Variants in MIR2052HG observed in about 807,000 individuals in gnomAD.
MIR2052HG encodes the protein MIR2052 host gene.
At chr8:74,733,032 A>G (rs1809709203) in intron 4 of MIR2052HG, among the ~76,000 whole-genome samples, 1 of 151,914 alleles carries the variant, frequency 6.6e-6, no homozygotes, top group African/African-American at 2.4e-5. Context: ...GAACCTAATC[A>G]GAGACCAATT....
intron 5 of MIR2052HG, among the ~76,000 whole-genome samples, chr8:74,754,546 G>C (rs1353320625): frequency 6.6e-6 from 1 of 152,184 alleles, no homozygotes; most frequent in Non-Finnish European, 1.5e-5. Context: ...AGGTTCTATG[G>C]AAATGAGAAA....
intron 4 of MIR2052HG, among the ~76,000 whole-genome samples, chr8:74,750,387 T>A (rs1378153284): frequency 6.6e-6 from 1 of 152,192 alleles, no homozygotes; most frequent in Non-Finnish European, 1.5e-5. Flanking sequence ...TTTTTCTCGC[T>A]GAAAAATTCA....
intron 2 of MIR2052HG, among the ~76,000 whole-genome samples, chr8:74,616,713 G>T: frequency 6.6e-6 from 1 of 152,038 alleles, no homozygotes; most frequent in Middle Eastern, 3.2e-3. Context: ...GCTGTAGATA[G>T]ACTTGTTTTC....
intron 2 of MIR2052HG, among the ~76,000 whole-genome samples, chr8:74,668,249 A>C (rs377458883): frequency 9.2e-5 from 14 of 152,120 alleles, no homozygotes; most frequent in African/African-American, 3.4e-4. Context: ...ACAAAAAAAA[A>C]ACAATAAGCC....
At chr8:74,662,334 C>T (rs1182604263) in intron 2 of MIR2052HG, among the ~76,000 whole-genome samples, 1 of 151,908 alleles carries the variant, frequency 6.6e-6, no homozygotes, top group Non-Finnish European at 1.5e-5. Flanking sequence ...AAAATTTCAG[C>T]CTCTAGAAGA....
intron 1 of MIR2052HG, chr8:74,603,217 C>T (rs1808050543): frequency 8.5e-7 from 1 of 1,182,314 alleles, no homozygotes; most frequent in East Asian, 2.3e-5. Context: ...GCTGACTGTT[C>T]AGAAACTACA....
At chr8:74,604,161 G>A in intron 1 of MIR2052HG, 1 of 891,184 alleles carries the variant, frequency 1.1e-6, no homozygotes, top group East Asian at 2.4e-5. Flanking sequence ...TCTTTCCGAT[G>A]ATACTGCCAA....
intron 2 of MIR2052HG, among the ~76,000 whole-genome samples, chr8:74,631,645 AC>A (rs1808513236): frequency 6.6e-6 from 1 of 152,180 alleles, no homozygotes; most frequent in Admixed American, 6.5e-5. Flanking sequence ...CTTCTCAAAA[AC>A]CCTCTGTCTT....
intron 2 of MIR2052HG, among the ~76,000 whole-genome samples, chr8:74,678,356 C>G (rs946721142): frequency 2.6e-5 from 4 of 151,868 alleles, no homozygotes; most frequent in African/African-American, 9.7e-5. Context: ...GTCAGGAGTT[C>G]GAGACCAGCC....
intron 2 of MIR2052HG, among the ~76,000 whole-genome samples, chr8:74,638,429 A>G (rs559810376): frequency 9.8e-5 from 15 of 152,314 alleles, no homozygotes; most frequent in East Asian, 1.9e-4. Context: ...TTTTGACACT[A>G]TCATACAGGC....
chr8:74,609,997 A>G (rs1391535797), intron 1 of MIR2052HG: 1 of 151,830 alleles, frequency 6.6e-6, no homozygotes, highest in East Asian at 1.9e-4. Flanking sequence ...AGATGTTGAT[A>G]TTGGAAAATA....
At chr8:74,734,560 A>G (rs968451787) in intron 4 of MIR2052HG, among the ~76,000 whole-genome samples, 2 of 152,234 alleles carry the variant, frequency 1.3e-5, no homozygotes, top group African/African-American at 4.8e-5. Context: ...AAAGCCCTGT[A>G]GGTCATTATC....
At chr8:74,734,432 A>G (rs1200600279) in intron 4 of MIR2052HG, among the ~76,000 whole-genome samples, 1 of 152,206 alleles carries the variant, frequency 6.6e-6, no homozygotes, top group Non-Finnish European at 1.5e-5. Flanking sequence ...CACTGTGAGG[A>G]GGCTGTAATA....
intron 2 of MIR2052HG, among the ~76,000 whole-genome samples, chr8:74,637,716 A>C (rs1246833594): frequency 6.6e-6 from 1 of 152,130 alleles, no homozygotes; most frequent in African/African-American, 2.4e-5. Flanking sequence ...TTGCTTTGTA[A>C]GTGGGACCTC....
chr8:74,733,048 ACATT>A (rs1374748749), intron 4 of MIR2052HG, among the ~76,000 whole-genome samples: 197 of 141,942 alleles, frequency 1.4e-3, no homozygotes, highest in African/African-American at 5.5e-3. Flanking sequence ...CAATTAGGAG[ACATT>A]TATTTATTTA....
intron 2 of MIR2052HG, among the ~76,000 whole-genome samples, chr8:74,645,899 A>G (rs756299359): frequency 2.0e-5 from 3 of 152,110 alleles, no homozygotes; most frequent in Non-Finnish European, 4.4e-5. Flanking sequence ...ACCTAAGCCT[A>G]TGTTTTTTGT....
chr8:74,651,348 G>A (rs1032559525), intron 2 of MIR2052HG, among the ~76,000 whole-genome samples: 1 of 152,086 alleles, frequency 6.6e-6, no homozygotes, highest in Admixed American at 6.5e-5. Flanking sequence ...CAAGGTGAAT[G>A]AATGTGTTTG....
chr8:74,651,187 A>G (rs958232170), intron 2 of MIR2052HG, among the ~76,000 whole-genome samples: 2 of 151,114 alleles, frequency 1.3e-5, no homozygotes, highest in Non-Finnish European at 2.9e-5. Context: ...AGGCCACCAT[A>G]GCCGTTGGGA....
chr8:74,738,750 C>G (rs1008842519), intron 4 of MIR2052HG, among the ~76,000 whole-genome samples: 7 of 152,148 alleles, frequency 4.6e-5, no homozygotes. Context: ...CCACTTTAGA[C>G]TCATGAGAAA....
Sources: allele counts gnomAD v4.1 joint callset (sites outside exome capture counted in the v4.1 genomes callset), GRCh38; gene constraint gnomAD v4.1.1; transcripts MANE v1.5; gene names NCBI Gene and HGNC (gene_info 2026-07-23, HGNC 2026-07-21).